Variants in ZMYND11 observed in about 807,000 individuals in gnomAD.
ZMYND11 encodes zinc finger MYND domain-containing protein 11.
A neutral mutation model predicts 84.9 loss-of-function variants in ZMYND11; 9 were observed. The observed-to-expected ratio is 0.11, with a 90% CI of 0.06 to 0.18. The LOEUF is 0.18. Among genes scored for constraint, ZMYND11 ranks in the 10% least tolerant of loss-of-function variants. The probability of loss-of-function intolerance (pLI) is 1.00; values close to 1 mark genes in which losing one functional copy is unlikely to be tolerated. For synonymous variants in ZMYND11, 250 were observed against 244.1 expected, an observed-to-expected ratio of 1.02 and a Z score of -0.23; for missense variants, 409 against 761.0, an observed-to-expected ratio of 0.54 and a Z score of 5.44.
At chr10:197,076 A>G (rs1040889287) in intron 2 of ZMYND11, among the ~76,000 whole-genome samples, 1 of 151,384 alleles carries the variant, frequency 6.6e-6, no homozygotes, top group African/African-American at 2.4e-5. Flanking sequence ...ATGTATGTGT[A>G]TCAATACATA....
At chr10:186,007 CTTT>C (rs1302174625) in intron 2 of ZMYND11, among the ~76,000 whole-genome samples, 1 of 142,204 alleles carries the variant, frequency 7.0e-6, no homozygotes, top group Admixed American at 7.0e-5. Flanking sequence ...ACACAGGATT[CTTT>C]TTTTTTTTTT....
chr10:198,291 A>G (rs1369263799), intron 2 of ZMYND11, among the ~76,000 whole-genome samples: 2 of 152,134 alleles, frequency 1.3e-5, no homozygotes, highest in Admixed American at 1.3e-4. Context: ...TTACTTTACC[A>G]GTTTAAATAT....
At chr10:197,750 T>C (rs1942159357) in intron 2 of ZMYND11, among the ~76,000 whole-genome samples, 1 of 152,224 alleles carries the variant, frequency 6.6e-6, no homozygotes, top group Non-Finnish European at 1.5e-5. Context: ...TGTAGTCCTA[T>C]GTCTTGAGAA....
chr10:136,229 G>A (rs1836006918), intron 1 of ZMYND11, among the ~76,000 whole-genome samples: 1 of 152,162 alleles, frequency 6.6e-6, no homozygotes, highest in Non-Finnish European at 1.5e-5. Context: ...CTGAGGACGC[G>A]GCTGGGACGA....
chr10:215,442 G>T (rs1018930575), intron 3 of ZMYND11, among the ~76,000 whole-genome samples: 5 of 152,124 alleles, frequency 3.3e-5, no homozygotes, highest in African/African-American at 9.7e-5. Flanking sequence ...TAGGAACCAC[G>T]TTGATACTTT....
At chr10:234,908 T>A (rs887476314) in intron 4 of ZMYND11, among the ~76,000 whole-genome samples, 5 of 152,064 alleles carry the variant, frequency 3.3e-5, no homozygotes, top group African/African-American at 1.2e-4. Flanking sequence ...CTGTGAGACA[T>A]GCAGAATGCA....
rs1554760685 is a variant in ZMYND11 at position 159,132 on chromosome 10, TA to T, written c.-19-20860del. ...ATGATCCCTCTTTTTTTTTTTTTCT[TA>T]ATAGCTGACTGTACTCCACTGTATG... On this transcript the variant is annotated intron_variant, in intron 1 of 14. Coordinates refer to ENST00000381604, the MANE Select transcript of ZMYND11 (RefSeq NM_001370100.5). Among the ~76,000 whole-genome samples the T allele has an allele frequency of 2.4e-4, 14 of 57,646 alleles. No individual in the cohort carries two copies. The East Asian group carries it at 7.5e-3, about 31-fold the overall frequency. 37.8% of individuals were successfully genotyped at this position (57,646 alleles called of 152,430 possible).
intron 3 of ZMYND11, among the ~76,000 whole-genome samples, chr10:211,310 ATTGAGT>A (rs1945185201): frequency 6.6e-6 from 1 of 152,092 alleles, no homozygotes; most frequent in Admixed American, 6.5e-5. Context: ...CTTTCTATAG[ATTGAGT>A]TTGTGAAAGG....
At chr10:203,362 T>G (rs1175882432) in intron 2 of ZMYND11, among the ~76,000 whole-genome samples, 1 of 151,052 alleles carries the variant, frequency 6.6e-6, no homozygotes, top group African/African-American at 2.4e-5. Context: ...AAAAAAACAG[T>G]AAATGTAAAA....
intron 10 of ZMYND11, among the ~76,000 whole-genome samples, chr10:242,989 A>T (rs1951347115): frequency 1.2e-5 from 1 of 86,258 alleles, no homozygotes; most frequent in African/African-American, 3.5e-5. Context: ...TGAATGTTTT[A>T]ATTACATTAA....
At chr10:239,049 G>C (rs769453347) in intron 6 of ZMYND11, among the ~76,000 whole-genome samples, 2 of 152,130 alleles carry the variant, frequency 1.3e-5, no homozygotes, top group South Asian at 2.1e-4. Context: ...TTTCAATCTC[G>C]ATCCTCCTGT....
chr10:179,019 G>A (rs1253885102), intron 1 of ZMYND11, among the ~76,000 whole-genome samples: 1 of 152,170 alleles, frequency 6.6e-6, no homozygotes, highest in African/African-American at 2.4e-5. Flanking sequence ...GGCAGGTCAA[G>A]GAGATTTCAG....
intron 4 of ZMYND11, among the ~76,000 whole-genome samples, chr10:230,056 T>G (rs940322189): frequency 1.3e-5 from 2 of 152,206 alleles, no homozygotes; most frequent in African/African-American, 4.8e-5. Flanking sequence ...CTATTACAAT[T>G]ATAGAGGAGA....
At chr10:145,260 G>GTATA (rs4011577) in intron 1 of ZMYND11, among the ~76,000 whole-genome samples, 1 of 149,892 alleles carries the variant, frequency 6.7e-6, no homozygotes, top group African/African-American at 2.5e-5. Context: ...ATATATATAT[G>GTATA]TATATATATA....
chr10:195,470 A>T (rs942929046), intron 2 of ZMYND11, among the ~76,000 whole-genome samples: 2 of 152,274 alleles, frequency 1.3e-5, no homozygotes, highest in African/African-American at 4.8e-5. Flanking sequence ...ATATATTTCT[A>T]TAACAGACTA....
At chr10:193,333 C>T (rs569405817) in intron 2 of ZMYND11, among the ~76,000 whole-genome samples, 12 of 152,250 alleles carry the variant, frequency 7.9e-5, no homozygotes, top group African/African-American at 2.9e-4. Flanking sequence ...TTTAGGGGCC[C>T]TTACAGCATT....
rs550688114 is a variant in ZMYND11, at chr10:242,223, C to G, written c.950+84C>G. The G allele has an allele frequency of 6.7e-6, 10 of 1,499,654 alleles. No individual in the cohort carries two copies. In the East Asian group the frequency reaches 1.6e-4, roughly 24 times the overall value. The allele number at this position is 1,499,654 out of a possible 1,614,324, so 92.9% of individuals were successfully genotyped here. ...TTTGATGATTTCTCCATCAGAGATGCATGAAGTTTATTTTAAATTGGAAAA... is the reference window on the plus strand; with the variant it reads ...TTTGATGATTTCTCCATCAGAGATGGATGAAGTTTATTTTAAATTGGAAAA... On this transcript the variant is annotated intron_variant, in intron 10 of 14. Coordinates refer to ENST00000381604, the MANE Select transcript of ZMYND11 (RefSeq NM_001370100.5).
intron 10 of ZMYND11, among the ~76,000 whole-genome samples, chr10:245,043 A>G (rs1951837579): frequency 6.6e-6 from 1 of 152,240 alleles, no homozygotes; most frequent in Non-Finnish European, 1.5e-5. Context: ...AAATCAGTAA[A>G]TATCTGTTGA....
intron 2 of ZMYND11, among the ~76,000 whole-genome samples, chr10:196,075 A>G (rs1478097654): frequency 6.6e-6 from 1 of 152,222 alleles, no homozygotes; most frequent in African/African-American, 2.4e-5. Context: ...TTGATGACCC[A>G]TTCCACTGTT....
Sources: gnomAD v4.1 joint callset for allele counts (sites outside exome capture counted in the v4.1 genomes callset) on GRCh38, gnomAD v4.1.1 for gene constraint, MANE v1.5 for transcripts, NCBI Gene and HGNC (gene_info 2026-07-23, HGNC 2026-07-21) for gene names.